Variants in SERP2 observed in about 807,000 individuals in gnomAD.
SERP2 encodes the protein stress associated endoplasmic reticulum protein family member 2, also known as stress-associated endoplasmic reticulum protein 2.
SERP2 carries 6 observed loss-of-function variants against 9.1 expected under a neutral mutation model. The ratio of observed to expected loss-of-function variants is 0.66; its 90% CI spans 0.36 to 1.30. The LOEUF (loss-of-function observed/expected upper bound fraction) is 1.30, where lower values mean the gene tolerates loss of function less well. SERP2 is among the 50% of genes most tolerant of loss of function. SERP2 has a pLI of 0.03. For missense variants in SERP2, 58 were observed against 81.9 expected (o/e 0.71, Z 1.13); for synonymous variants, 37 against 27.3 (o/e 1.35, Z -1.10).
chr13:44,382,831 A>G (rs73186925), intron 2 of SERP2, among the ~76,000 whole-genome samples: 138 of 152,298 alleles, frequency 9.1e-4, no homozygotes, highest in Non-Finnish European at 1.7e-3. Flanking sequence ...CTGTTTGGGT[A>G]CTTGCAGGCA....
rs1873178223 is a variant in SERP2 at position 44,397,386 on chromosome 13, G to C, written c.*74G>C. The C allele has an allele frequency of 5.1e-6, 6 of 1,185,766 alleles. No homozygotes were observed. Among genetic ancestry groups the C allele is most frequent in the Admixed American group, 3.4e-5 (2 of 59,000 alleles). 73.5% of individuals were successfully genotyped at this position (1,185,766 alleles called of 1,614,324 possible). On this transcript the variant is annotated 3_prime_UTR_variant, in exon 3 of 3. Coordinates refer to ENST00000379179, the MANE Select transcript of SERP2 (RefSeq NM_001010897.3). ...CAACGGAAGCGGTCAGCCAGTTTCT[G>C]CGGGAAACAAGCAGGCCACACGGAA...
chr13:44,395,603 CAA>C (rs369797464), intron 2 of SERP2, among the ~76,000 whole-genome samples: 11 of 51,134 alleles, frequency 2.2e-4, no homozygotes, highest in South Asian at 7.1e-4. Context: ...GACTCCGTCT[CAA>C]AAAAAAAAAA....
chr13:44,384,474 CTG>C (rs1212104220), intron 2 of SERP2, among the ~76,000 whole-genome samples: 2 of 152,134 alleles, frequency 1.3e-5, no homozygotes, highest in Non-Finnish European at 2.9e-5. Flanking sequence ...TGTCTCACCT[CTG>C]TTCCAGCTTT....
chr13:44,376,275 T>C (rs1326286234), intron 1 of SERP2, among the ~76,000 whole-genome samples: 2 of 152,238 alleles, frequency 1.3e-5, no homozygotes, highest in East Asian at 3.8e-4. Flanking sequence ...CAAATATGAT[T>C]ATACTTTGTT....
At chr13:44,390,310 C>CCCCCCCCCCCCCCT in intron 2 of SERP2, 2 of 339,936 alleles carry the variant, frequency 5.9e-6, no homozygotes, top group Non-Finnish European at 1.2e-5. Flanking sequence ...CACCCACCCG[C>CCCCCCCCCCCCCCT]CCTGGACACT....
intron 2 of SERP2, among the ~76,000 whole-genome samples, chr13:44,381,983 G>A (rs991228919): frequency 1.4e-5 from 2 of 141,184 alleles, no homozygotes; most frequent in Non-Finnish European, 3.1e-5. Flanking sequence ...CACATAGTTA[G>A]TGCTTAGGAT....
intron 2 of SERP2, among the ~76,000 whole-genome samples, chr13:44,383,383 C>T (rs1474635588): frequency 6.6e-6 from 1 of 152,054 alleles, no homozygotes; most frequent in Non-Finnish European, 1.5e-5. Context: ...TATTATATGG[C>T]CTAAACTTTT....
chr13:44,375,963 A>G (rs140556856), intron 1 of SERP2, among the ~76,000 whole-genome samples: 1,536 of 152,374 alleles, frequency 0.01, 13 homozygotes, highest in Non-Finnish European at 0.014. Context: ...CTCAATGTTC[A>G]GAGCTACATT....
intron 2 of SERP2, among the ~76,000 whole-genome samples, chr13:44,392,196 C>CAAAAAAAAAAAAA (rs760513486): frequency 0.33 from 11,946 of 35,924 alleles, 4,712 homozygotes; most frequent in East Asian, 0.41. Flanking sequence ...GACTCTGTCT[C>CAAAAAAAAAAAAA]AAAAAAAAAA....
intron 2 of SERP2, among the ~76,000 whole-genome samples, chr13:44,396,808 C>T (rs1410486304): frequency 1.3e-5 from 2 of 152,242 alleles, no homozygotes; most frequent in East Asian, 3.8e-4. Flanking sequence ...AGACAGAGGC[C>T]GGGCCCCGTG....
chr13:44,386,541 G>C (rs1872329030), intron 2 of SERP2, among the ~76,000 whole-genome samples: 1 of 152,092 alleles, frequency 6.6e-6, no homozygotes, highest in South Asian at 2.1e-4. Context: ...GCGCCACCAT[G>C]CCCAGCTAAT....
intron 1 of SERP2, among the ~76,000 whole-genome samples, 173 bp downstream of exon 1, chr13:44,374,282 C>T (rs1871505593): frequency 6.6e-6 from 1 of 152,134 alleles, no homozygotes; most frequent in South Asian, 2.1e-4. Context: ...CAGGGCGGCG[C>T]GGTCTGCTTG....
At chr13:44,396,280 G>T (rs1047610278) in intron 2 of SERP2, among the ~76,000 whole-genome samples, 2 of 152,098 alleles carry the variant, frequency 1.3e-5, no homozygotes, top group Middle Eastern at 6.8e-3. Context: ...TTGAATGGCT[G>T]GTTTCCTAGG....
chr13:44,385,740 G>A (rs890635863), intron 2 of SERP2, among the ~76,000 whole-genome samples: 3 of 152,100 alleles, frequency 2.0e-5, no homozygotes, highest in Non-Finnish European at 2.9e-5. Flanking sequence ...TTTACTCTTG[G>A]TATTGATTCC....
At chr13:44,379,579 TACTC>T in intron 1 of SERP2, 58 bp from the exon 2 acceptor site, 1 of 1,262,888 alleles carries the variant, frequency 7.9e-7, no homozygotes, top group Non-Finnish European at 1.1e-6. Flanking sequence ...TGCCTAGTGA[TACTC>T]AAATAATTGT....
At chr13:44,379,999 C>T (rs1398572362) in intron 2 of SERP2, among the ~76,000 whole-genome samples, 1 of 152,118 alleles carries the variant, frequency 6.6e-6, no homozygotes, top group African/African-American at 2.4e-5. Context: ...GCAGACATAG[C>T]CTTAAAAGGG....
intron 2 of SERP2, among the ~76,000 whole-genome samples, chr13:44,380,677 T>C (rs1784426130): frequency 6.6e-6 from 1 of 152,196 alleles, no homozygotes; most frequent in South Asian, 2.1e-4. Flanking sequence ...GGCTCAAATA[T>C]TTTAAAGATG....
intron 2 of SERP2, among the ~76,000 whole-genome samples, chr13:44,388,306 G>A (rs1241662450): frequency 1.3e-5 from 2 of 151,016 alleles, no homozygotes; most frequent in African/African-American, 2.4e-5. Flanking sequence ...CCATGTATGT[G>A]TATTTGTGAA....
intron 1 of SERP2, 56 bp downstream of exon 1, chr13:44,374,165 G>GC: frequency 3.7e-6 from 1 of 267,314 alleles, no homozygotes; most frequent in Non-Finnish European, 5.8e-6. Flanking sequence ...GGGGTGGGGC[G>GC]GAAGGTGGGG....
Sources: gnomAD v4.1 joint callset for allele counts (sites outside exome capture counted in the v4.1 genomes callset) on GRCh38, gnomAD v4.1.1 for gene constraint, MANE v1.5 for transcripts, NCBI Gene and HGNC (gene_info 2026-07-23, HGNC 2026-07-21) for gene names.